COMMD10: variants seen among roughly 807,000 people sequenced by gnomAD.
The protein encoded by COMMD10 is COMM domain containing 10.
COMMD10 carries 33 observed loss-of-function variants against 28.9 expected under a neutral mutation model. The ratio of observed to expected loss-of-function variants is 1.14; its 90% CI spans 0.87 to 1.53. The LOEUF (loss-of-function observed/expected upper bound fraction) is 1.53, where lower values mean the gene tolerates loss of function less well. Among genes scored for constraint, COMMD10 ranks in the 40% most tolerant of loss-of-function variants. The pLI is 0.00. For missense variants in COMMD10, 310 were observed against 233.4 expected (o/e 1.33, Z -2.14); for synonymous variants, 110 against 81.7 (o/e 1.35, Z -1.87).
At chr5:116,149,207 A>T (rs1752436132) in intron 5 of COMMD10, among the ~76,000 whole-genome samples, 1 of 146,678 alleles carries the variant, frequency 6.8e-6, no homozygotes, top group Non-Finnish European at 1.5e-5. Flanking sequence ...ATGGCTGCGT[A>T]GTATTCCATG....
chr5:116,087,325 G>A (rs146558784), intron 1 of COMMD10, among the ~76,000 whole-genome samples, 172 bp from the exon 2 acceptor site: 1 of 152,228 alleles, frequency 6.6e-6, no homozygotes, highest in African/African-American at 2.4e-5. Context: ...GCATCTTTTT[G>A]GAAATGTACC....
At chr5:116,164,811 C>T (rs1485742948) in intron 5 of COMMD10, among the ~76,000 whole-genome samples, 1 of 152,058 alleles carries the variant, frequency 6.6e-6, no homozygotes, top group Non-Finnish European at 1.5e-5. Flanking sequence ...TTGTGTTGCA[C>T]AGCTCAAATA....
chr5:116,169,498 C>T (rs1753246427), intron 5 of COMMD10, among the ~76,000 whole-genome samples: 1 of 152,130 alleles, frequency 6.6e-6, no homozygotes, highest in African/African-American at 2.4e-5. Flanking sequence ...AAGAGGCCAG[C>T]ATTATCCTGA....
At chr5:116,274,180 A>T (rs998989031) in intron 5 of COMMD10, among the ~76,000 whole-genome samples, 1 of 151,876 alleles carries the variant, frequency 6.6e-6, no homozygotes, top group Admixed American at 6.6e-5. Context: ...TTCTACTTAT[A>T]TATCAACAAC....
At chr5:116,236,910 T>G (rs967613054) in intron 5 of COMMD10, among the ~76,000 whole-genome samples, 5 of 152,118 alleles carry the variant, frequency 3.3e-5, no homozygotes, top group South Asian at 4.1e-4. Context: ...TATGGGAAAT[T>G]TTTATATCTT....
chr5:116,112,138 G>A (rs1318913301), intron 4 of COMMD10, among the ~76,000 whole-genome samples: 1 of 152,112 alleles, frequency 6.6e-6, no homozygotes, highest in East Asian at 1.9e-4. Flanking sequence ...TTAATAATCT[G>A]TCTGGGAAAG....
chr5:116,168,917 G>A (rs762174567), intron 5 of COMMD10, among the ~76,000 whole-genome samples: 2 of 152,078 alleles, frequency 1.3e-5, no homozygotes, highest in Non-Finnish European at 2.9e-5. Flanking sequence ...ACAGTTAAAA[G>A]AACCAGAGAA....
intron 5 of COMMD10, among the ~76,000 whole-genome samples, chr5:116,184,273 G>GTA: frequency 6.8e-6 from 1 of 146,828 alleles, no homozygotes; most frequent in East Asian, 2.0e-4. Context: ...CCCTAATTAT[G>GTA]TATTTACATT....
chr5:116,102,432 A>G (rs1750695339), intron 4 of COMMD10, among the ~76,000 whole-genome samples: 1 of 152,156 alleles, frequency 6.6e-6, no homozygotes, highest in South Asian at 2.1e-4. Context: ...TCTTTATACT[A>G]GTACCATGCT....
At chr5:116,196,720 T>C (rs1416598342) in intron 5 of COMMD10, among the ~76,000 whole-genome samples, 1 of 147,396 alleles carries the variant, frequency 6.8e-6, no homozygotes, top group Non-Finnish European at 1.5e-5. Context: ...GTCACAGAAA[T>C]ACTAACTATG....
chr5:116,195,020 T>G (rs1748471484), intron 5 of COMMD10, among the ~76,000 whole-genome samples: 1 of 152,032 alleles, frequency 6.6e-6, no homozygotes, highest in Non-Finnish European at 1.5e-5. Context: ...CATATACAAG[T>G]CAATAAATGT....
chr5:116,168,540 C>T (rs1412479806), intron 5 of COMMD10, among the ~76,000 whole-genome samples: 1 of 152,116 alleles, frequency 6.6e-6, no homozygotes, highest in Non-Finnish European at 1.5e-5. Flanking sequence ...TTCTTCTCAG[C>T]ACTGCATCCC....
chr5:116,185,774 C>T (rs1278426020), intron 5 of COMMD10, among the ~76,000 whole-genome samples: 1 of 152,102 alleles, frequency 6.6e-6, no homozygotes, highest in Admixed American at 6.6e-5. Flanking sequence ...TACATCTTGC[C>T]TCTGATTGCT....
At chr5:116,201,448 T>G (rs1580543886) in intron 5 of COMMD10, among the ~76,000 whole-genome samples, 1 of 152,130 alleles carries the variant, frequency 6.6e-6, no homozygotes, top group East Asian at 1.9e-4. Flanking sequence ...GCTGTTTAAG[T>G]TTTCTTACAC....
At chr5:116,224,880 A>T (rs575598850) in intron 5 of COMMD10, among the ~76,000 whole-genome samples, 2 of 152,232 alleles carry the variant, frequency 1.3e-5, no homozygotes, top group Non-Finnish European at 2.9e-5. Context: ...TGGTTCTGTG[A>T]TAACATTTAG....
At position 116,275,474 on chromosome 5, in the gene COMMD10, A is replaced by AC. The variant is rs1561404644; in HGVS notation, c.511-16043_511-16042insC. Among the ~76,000 whole-genome samples, 37 of 151,900 alleles carry AC rather than the reference A, an allele frequency of 2.4e-4. No individual in the cohort carries two copies. The East Asian group carries it at 6.6e-3, about 27-fold the overall frequency. ...CTCTGTGCCCTATACTTTGCCTGTTAGGGCAAAGTATGTCATTTTGTAACC... is the reference window on the plus strand; with the variant it reads ...CTCTGTGCCCTATACTTTGCCTGTTACGGGCAAAGTATGTCATTTTGTAACC... On this transcript the variant is annotated intron_variant, in intron 5 of 6. Coordinates refer to ENST00000274458, the MANE Select transcript of COMMD10 (RefSeq NM_016144.4).
At position 116,132,946 on chromosome 5, in the gene COMMD10, G is replaced by T. The variant is rs192162482; in HGVS notation, c.400-1122G>T. 1.9e-3 allele frequency among the ~76,000 whole-genome samples: 290 copies of T among 152,188 alleles called. 3 individuals are homozygous for T. The highest frequency in any genetic ancestry group is 6.6e-3 in the African/African-American group (274 of 41,548). On this transcript the variant is annotated intron_variant, in intron 4 of 6. Coordinates refer to ENST00000274458, the MANE Select transcript of COMMD10 (RefSeq NM_016144.4). ...GCTTAGTGCCAGAAGGAACAGAACT[G>T]TATCTTTATTTTCTCATCACATCCT...
At chr5:116,190,012 G>T (rs930179040) in intron 5 of COMMD10, among the ~76,000 whole-genome samples, 3 of 152,176 alleles carry the variant, frequency 2.0e-5, no homozygotes, top group Admixed American at 6.5e-5. Context: ...CAGAGGTGAT[G>T]TATGTGACCT....
chr5:116,282,491 A>C (rs965590308), intron 5 of COMMD10, among the ~76,000 whole-genome samples: 3 of 151,938 alleles, frequency 2.0e-5, no homozygotes, highest in Non-Finnish European at 4.4e-5. Flanking sequence ...ATGCTTTTAC[A>C]TTGCTCTTAT....
Sources: allele counts gnomAD v4.1 joint callset (sites outside exome capture counted in the v4.1 genomes callset), GRCh38; gene constraint gnomAD v4.1.1; transcripts MANE v1.5; gene names NCBI Gene and HGNC (gene_info 2026-07-23, HGNC 2026-07-21).